Variants in KDM3B observed in about 807,000 individuals in gnomAD.
KDM3B encodes the protein lysine-specific demethylase 3B.
In KDM3B, 10 loss-of-function variants were observed where a neutral mutation model predicts 170.0. The ratio of observed to expected loss-of-function variants is 0.06; its 90% CI spans 0.04 to 0.10. The LOEUF (loss-of-function observed/expected upper bound fraction) is 0.10. Among genes scored for constraint, KDM3B ranks in the 10% least tolerant of loss-of-function variants. The probability of loss-of-function intolerance (pLI) is 1.00; values close to 1 mark genes in which losing one functional copy is unlikely to be tolerated. For synonymous variants in KDM3B, 831 were observed against 834.8 expected (o/e 1.00, Z 0.08); for missense variants, 1,394 against 2,195.2 (o/e 0.64, Z 7.29).
chr5:138,415,376 TTTATTA>T, intron 12 of KDM3B, 137 bp downstream of exon 12: 7 of 535,290 alleles, frequency 1.3e-5, no homozygotes, highest in Non-Finnish European at 2.4e-5. Flanking sequence ...AATTTGGATC[TTTATTA>T]TTATTATCAT....
chr5:138,436,965 T>C lies in KDM3B; in HGVS notation c.*1265T>C, dbSNP rs978091734. The C allele has an allele frequency of 1.3e-5, 2 of 152,166 alleles. No homozygotes were observed. Among genetic ancestry groups the C allele is most frequent in the African/African-American group, 4.8e-5 (2 of 41,438 alleles). The allele number at this position is 152,166 out of a possible 1,614,324, so 9.4% of individuals were successfully genotyped here. The stretch of plus-strand genomic sequence containing the variant: ...AATACTTTTAATTTCACTTTCTGTA[T>C]TTTAATTTTGTTGAAGGGCTGATTG... On this transcript the variant is annotated 3_prime_UTR_variant, in exon 24 of 24. Coordinates refer to ENST00000314358, the MANE Select transcript of KDM3B (RefSeq NM_016604.4).
intron 4 of KDM3B, among the ~76,000 whole-genome samples, 164 bp from the exon 5 acceptor site, chr5:138,379,420 A>G (rs995295586): frequency 3.3e-5 from 5 of 152,200 alleles, no homozygotes; most frequent in Admixed American, 1.3e-4. Flanking sequence ...TTGTTTTTAA[A>G]TTGCTCAGTA....
chr5:138,422,608 C>G (rs957713685), intron 15 of KDM3B, among the ~76,000 whole-genome samples: 2 of 152,084 alleles, frequency 1.3e-5, no homozygotes, highest in African/African-American at 4.8e-5. Context: ...CCACCGCACT[C>G]CAGCCTGGGT....
At chr5:138,379,343 G>C (rs558862447) in intron 4 of KDM3B, among the ~76,000 whole-genome samples, 50 of 152,212 alleles carry the variant, frequency 3.3e-4, no homozygotes, top group Non-Finnish European at 4.4e-4. Flanking sequence ...GGAGGGCTGG[G>C]AAATTCTAAG....
At chr5:138,421,149 G>A (rs1355269818) in intron 15 of KDM3B, among the ~76,000 whole-genome samples, 187 bp downstream of exon 15, 3 of 152,244 alleles carry the variant, frequency 2.0e-5, no homozygotes, top group Non-Finnish European at 4.4e-5. Flanking sequence ...TAGGAAGTCT[G>A]TAAAAGTTGA....
In KDM3B at chr5:138,363,183, C is replaced by T. The variant is rs1000384737; in HGVS notation, c.193-9491C>T. On this transcript the variant is annotated intron_variant, in intron 1 of 23. Coordinates refer to ENST00000314358, the MANE Select transcript of KDM3B (RefSeq NM_016604.4). ...GTAAATTCATGGAGGTCAGGAAACA[C>T]GGATTTTTCTGTTTTTTCTCTTCTA... Among the ~76,000 whole-genome samples the T allele has an allele frequency of 2.1e-4, 32 of 152,100 alleles. 1 individual carries two copies. Among genetic ancestry groups the T allele is most frequent in the African/African-American group, 6.5e-4 (27 of 41,504 alleles).
chr5:138,382,489 C>T (rs546006878), intron 6 of KDM3B, among the ~76,000 whole-genome samples: 1 of 152,094 alleles, frequency 6.6e-6, no homozygotes, highest in East Asian at 1.9e-4. Flanking sequence ...TCTGCCTGAA[C>T]CAATCGAGTA....
chr5:138,428,127 T>G, intron 20 of KDM3B, 41 bp downstream of exon 20: 5 of 1,600,142 alleles, frequency 3.1e-6, no homozygotes, highest in Non-Finnish European at 4.3e-6. Flanking sequence ...TGGTGAGGCT[T>G]TGTCTTGGGA....
rs1762471894 is a variant in KDM3B, at chr5:138,393,029, G to A, written c.2630-142G>A. 24 of 684,502 alleles carry A rather than the reference G, an allele frequency of 3.5e-5. 1 individual carries two copies. In the South Asian group the frequency reaches 3.8e-4, roughly 11 times the overall value. The allele number at this position is 684,502 out of a possible 1,614,324, so 42.4% of individuals were successfully genotyped here. A position where few individuals can be genotyped will look rare whatever the true frequency, so the allele number is the denominator to read the frequency against. On this transcript the variant is annotated intron_variant, in intron 8 of 23. Transcript: ENST00000314358. Reference sequence around the variant, plus strand: ...GCTCCTTGCTTTCCCTTCCTGTCAAGGATGGACATAATGGGTACATGCCCA... The same window carrying A: ...GCTCCTTGCTTTCCCTTCCTGTCAAAGATGGACATAATGGGTACATGCCCA...
chr5:138,358,066 C>A (rs1410497919), intron 1 of KDM3B, among the ~76,000 whole-genome samples: 1 of 150,884 alleles, frequency 6.6e-6, no homozygotes, highest in African/African-American at 2.4e-5. Context: ...GGTGTGATCT[C>A]GGCTCACTGC....
At chr5:138,376,134 C>T (rs1434966535) in intron 3 of KDM3B, among the ~76,000 whole-genome samples, 7 of 152,050 alleles carry the variant, frequency 4.6e-5, no homozygotes, top group Admixed American at 3.9e-4. Flanking sequence ...CATGCTATCA[C>T]ATCTGGCTAA....
At position 138,370,840 on chromosome 5, in the gene KDM3B, C is replaced by T. The variant is rs191846695; in HGVS notation, c.193-1834C>T. 1.6e-4 allele frequency among the ~76,000 whole-genome samples: 24 copies of T among 151,366 alleles called. No homozygotes were observed. In the East Asian group the frequency reaches 4.5e-3, roughly 28 times the overall value. ...TTTTTTTTTCCGAGACAGAGTTTTG[C>T]TCTTGTTGCCCAGGCTGGAGTGCAG... On this transcript the variant is annotated intron_variant, in intron 1 of 23. Coordinates refer to ENST00000314358, the MANE Select transcript of KDM3B (RefSeq NM_016604.4).
intron 16 of KDM3B, 144 bp downstream of exon 16, chr5:138,424,485 G>A (rs1763345933): frequency 2.9e-6 from 3 of 1,021,422 alleles, no homozygotes; most frequent in Non-Finnish European, 4.2e-6. Flanking sequence ...AGTTGTCTTG[G>A]ATTTTTAAAA....
intron 23 of KDM3B, among the ~76,000 whole-genome samples, 191 bp downstream of exon 23, chr5:138,431,750 C>CT (rs1487996590): frequency 2.6e-5 from 4 of 151,766 alleles, no homozygotes; most frequent in Non-Finnish European, 5.9e-5. Flanking sequence ...AGTTTTTCTT[C>CT]TTTTTTACAA....
intron 10 of KDM3B, 76 bp downstream of exon 10, chr5:138,398,468 T>C (rs1292378004): frequency 7.8e-7 from 1 of 1,277,866 alleles, no homozygotes; most frequent in Non-Finnish European, 1.1e-6. Flanking sequence ...ACGGGAAGAT[T>C]GGGGACAGTG....
intron 1 of KDM3B, among the ~76,000 whole-genome samples, chr5:138,366,486 T>A (rs1275960811): frequency 1.3e-5 from 2 of 152,028 alleles, no homozygotes; most frequent in Non-Finnish European, 2.9e-5. Context: ...TGCACACCAC[T>A]ATGCCCAGCT....
chr5:138,433,982 C>A (rs1561800800), intron 23 of KDM3B, among the ~76,000 whole-genome samples: 1 of 152,144 alleles, frequency 6.6e-6, no homozygotes, highest in African/African-American at 2.4e-5. Flanking sequence ...TCAGGTGATC[C>A]ACCTGCCTCG....
At chr5:138,375,409 G>T (rs1026114867) in intron 3 of KDM3B, among the ~76,000 whole-genome samples, 1 of 150,184 alleles carries the variant, frequency 6.7e-6, no homozygotes, top group Non-Finnish European at 1.5e-5. Flanking sequence ...ACAGAGTCTC[G>T]ATATGTCCCC....
intron 20 of KDM3B, 93 bp downstream of exon 20, chr5:138,428,179 CT>C (rs960676933): frequency 2.1e-3 from 2,038 of 982,278 alleles, no homozygotes; most frequent in South Asian, 2.8e-3. Context: ...GTGGCTTTTC[CT>C]TTTTTTTTTC....
Sources: allele counts gnomAD v4.1 joint callset (sites outside exome capture counted in the v4.1 genomes callset), GRCh38; gene constraint gnomAD v4.1.1; transcripts MANE v1.5; gene names NCBI Gene and HGNC (gene_info 2026-07-23, HGNC 2026-07-21).